The following PKLR variants were observed in gnomAD, a reference collection of about 807,000 sequenced individuals.
PKLR encodes the protein pyruvate kinase L/R.
Under a neutral mutation model 53.6 loss-of-function variants are expected in PKLR, and 38 were observed. The observed-to-expected ratio is 0.71, with a 90% CI of 0.55 to 0.93. The LOEUF (loss-of-function observed/expected upper bound fraction) is 0.93. Among genes scored for constraint, PKLR ranks in the 40% least tolerant of loss-of-function variants. The pLI, the probability that PKLR is intolerant of heterozygous loss-of-function variation, is 0.00. For missense variants in PKLR, 702 were observed against 787.3 expected, an observed-to-expected ratio of 0.89 and a Z score of 1.30; for synonymous variants, 328 against 316.2, an observed-to-expected ratio of 1.04 and a Z score of -0.39.
chr1:155,300,503 G>T (rs968183101), intron 1 of PKLR, among the ~76,000 whole-genome samples: 2 of 152,122 alleles, frequency 1.3e-5, no homozygotes, highest in African/African-American at 2.4e-5. Context: ...GGAAATAAAT[G>T]GTCCAATATT....
intron 6 of PKLR, 45 bp downstream of exon 6, chr1:155,294,437 G>A: frequency 6.2e-7 from 1 of 1,614,194 alleles, no homozygotes; most frequent in Non-Finnish European, 8.5e-7. Context: ...GAAAGGTGAT[G>A]GGGAATAGCG....
rs746350344 is a variant in PKLR at position 155,295,341 on chromosome 1, C to CG, written c.508-40dup. 6.2e-7 allele frequency: 1 copy of CG among 1,613,310 alleles called. No homozygotes were observed. Among genetic ancestry groups the CG allele is most frequent in the Non-Finnish European group, 8.5e-7 (1 of 1,179,568 alleles). On this transcript the variant is annotated intron_variant, in intron 4 of 10. Coordinates refer to ENST00000342741, the MANE Select transcript of PKLR (RefSeq NM_000298.6). The surrounding 1 kb of genome is among the most constrained non-coding windows in gnomAD (Gnocchi z 4.3). ...CAGAGGAGATGTGAGTTCTGAGCCCCGGAGTCCGGGACCCGCCCCTGCCCA... is the reference window on the plus strand; with the variant it reads ...CAGAGGAGATGTGAGTTCTGAGCCCCGGGAGTCCGGGACCCGCCCCTGCCCA...
the PKLR span, among the ~76,000 whole-genome samples, chr1:155,307,120 G>A: frequency 2.0e-5 from 3 of 152,192 alleles, no homozygotes; most frequent in South Asian, 2.1e-4. Flanking sequence ...TCACTATGTT[G>A]GCCAGGCTGG....
rs765864419 is a variant in PKLR at position 155,290,568 on chromosome 1, C to T, written c.*4G>A. 6 of 1,575,322 alleles carry T rather than the reference C, an allele frequency of 3.8e-6. No homozygotes were observed. The highest frequency in any genetic ancestry group is 3.3e-4 in the Middle Eastern group (2 of 5,992). ...TAGGCTGGGCCAGAGGAGGGAGGGG[C>T]GTCTCAGGATATGCTTAGCACCCGC... is the stretch of plus-strand genomic sequence containing the variant. On this transcript the variant is annotated 3_prime_UTR_variant, in exon 11 of 11. Coordinates refer to ENST00000342741, the MANE Select transcript of PKLR (RefSeq NM_000298.6).
rs758562081 is a variant in PKLR at position 155,293,852 on chromosome 1, G to T, written c.1117-262C>A. On this transcript the variant is annotated intron_variant, in intron 7 of 10. Transcript: ENST00000342741. The surrounding 1 kb of genome is among the most constrained non-coding windows in gnomAD (Gnocchi z 4.2). ...AATGTGCTATAAACCTACAGTGTGG[G>T]CTGGGTGCAGTGGCTCACACCTGTA... is the stretch of plus-strand genomic sequence containing the variant. Among the ~76,000 whole-genome samples the T allele has an allele frequency of 1.1e-4, 16 of 152,212 alleles. No homozygotes were observed. Among genetic ancestry groups the T allele is most frequent in the Non-Finnish European group, 1.9e-4 (13 of 68,038 alleles).
At chr1:155,291,642 G>C (rs1331002752) in intron 10 of PKLR, 114 bp downstream of exon 10, 4 of 895,080 alleles carry the variant, frequency 4.5e-6, no homozygotes, top group Non-Finnish European at 7.5e-6. Context: ...CTCTCACAGG[G>C]AAAACCTGGG....
intron 2 of PKLR, among the ~76,000 whole-genome samples, chr1:155,298,800 C>A (rs1647753979): frequency 6.6e-6 from 1 of 151,942 alleles, no homozygotes; most frequent in Non-Finnish European, 1.5e-5. Context: ...TGCCACCATG[C>A]CTGGCTAATT....
In PKLR at chr1:155,293,594, G is replaced by C. The variant is rs1572054195; in HGVS notation, c.1117-4C>G. ...TGGTAATCATGCTCTCCAGCATCTG[G>C]GGGACAGCGTGGATGTCAAAGTTGT... On this transcript the variant is annotated splice_polypyrimidine_tract_variant and splice_region_variant and intron_variant, in intron 7 of 10. Coordinates refer to ENST00000342741, the MANE Select transcript of PKLR (RefSeq NM_000298.6). This position sits in a 1 kb window ranked among gnomAD's most constrained non-coding sequence, Gnocchi z 4.2. 2.5e-6 allele frequency: 4 copies of C among 1,614,082 alleles called. No homozygotes were observed. In the East Asian group the frequency reaches 8.9e-5, roughly 36 times the overall value.
chr1:155,304,560 A>G (rs1272401362), upstream of PKLR, among the ~76,000 whole-genome samples: 2 of 150,138 alleles, frequency 1.3e-5, no homozygotes, highest in East Asian at 3.9e-4. Flanking sequence ...AGAGAGGGGG[A>G]CGGCTTGGAG....
chr1:155,300,582 G>A (rs1233854955), intron 1 of PKLR, among the ~76,000 whole-genome samples: 1 of 151,972 alleles, frequency 6.6e-6, no homozygotes, highest in Admixed American at 6.6e-5. Flanking sequence ...CCAAGTTCTT[G>A]ACCACTCAGT....
chr1:155,295,876 T>C lies in PKLR; in HGVS notation c.284-120A>G, dbSNP rs1647564419. 5 of 802,760 alleles carry C rather than the reference T, an allele frequency of 6.2e-6. No homozygotes were observed. The highest frequency in any genetic ancestry group is 1.1e-5 in the Non-Finnish European group (5 of 469,048). 49.7% of individuals were successfully genotyped at this position (802,760 alleles called of 1,614,324 possible). On this transcript the variant is annotated intron_variant, in intron 2 of 10. Transcript: ENST00000342741. The surrounding 1 kb of genome is among the most constrained non-coding windows in gnomAD (Gnocchi z 4.3). ...CAGGCGTCCTGTTACCTGATCTTTA[T>C]TCCCTGATGCAACCCCTGCCCACAG...
At chr1:155,306,860 T>C in the PKLR span, among the ~76,000 whole-genome samples, 2 of 152,264 alleles carry the variant, frequency 1.3e-5, no homozygotes, top group East Asian at 1.9e-4. The surrounding 1 kb of genome is among the most constrained non-coding windows in gnomAD (Gnocchi z 4.2). Context: ...TTCCTTCTGG[T>C]GGGTTCGTGG....
chr1:155,294,430 A>G (rs754970776), intron 6 of PKLR, 45 bp from the exon 7 acceptor site: 6 of 1,614,074 alleles, frequency 3.7e-6, no homozygotes, highest in South Asian at 1.1e-5. Context: ...AGGAGAAGAA[A>G]GGTGATGGGG....
At position 155,294,236 on chromosome 1, in the gene PKLR, T is replaced by C; in HGVS notation, c.1115A>G (p.Gln372Arg). 6.2e-7 allele frequency: 1 copy of C among 1,614,134 alleles called. No individual in the cohort carries two copies. Among genetic ancestry groups the C allele is most frequent in the Non-Finnish European group, 8.5e-7 (1 of 1,180,008 alleles). Residue 372 changes from glutamine to arginine, a missense_variant and splice_region_variant, in exon 7 of 11, where the codon CAG (glutamine) becomes CGG (arginine). Gln to Arg is a conservative substitution (Grantham distance 43). Coordinates refer to ENST00000342741, the MANE Select transcript of PKLR (RefSeq NM_000298.6). Reference protein sequence around the residue: ...LAGKPVVCATQMLESMITKPR... With the variant: ...LAGKPVVCATRMLESMITKPR... ...GAACCTCAAGGCCTCACTCCAGACC[T>C]GTGTGGCACAGACAACAGGCTTGCC...
chr1:155,295,892 C>G lies in PKLR; in HGVS notation c.284-136G>C. The G allele has an allele frequency of 1.3e-6, 1 of 747,772 alleles. No homozygotes were observed. Among genetic ancestry groups the G allele is most frequent in the East Asian group, 2.7e-5 (1 of 37,576 alleles). 46.3% of individuals were successfully genotyped at this position (747,772 alleles called of 1,614,324 possible). The stretch of plus-strand genomic sequence containing the variant: ...TGATCTTTATTCCCTGATGCAACCC[C>G]TGCCCACAGATCACAGACTCCCCTT... On this transcript the variant is annotated intron_variant, in intron 2 of 10. Coordinates refer to ENST00000342741, the MANE Select transcript of PKLR (RefSeq NM_000298.6). The surrounding 1 kb of genome is among the most constrained non-coding windows in gnomAD (Gnocchi z 4.3).
At chr1:155,299,026 CTTT>C (rs1557963359) in intron 2 of PKLR, among the ~76,000 whole-genome samples, 7,699 of 92,306 alleles carry the variant, frequency 0.083, 727 homozygotes, top group East Asian at 0.2. Flanking sequence ...TTCTTTCTTT[CTTT>C]CTTTCTCTTT....
chr1:155,297,928 CAAT>C (rs1647685765), intron 2 of PKLR, among the ~76,000 whole-genome samples: 1 of 152,190 alleles, frequency 6.6e-6, no homozygotes. Flanking sequence ...CTCATTTACT[CAAT>C]AATAACTGAC....
intron 2 of PKLR, among the ~76,000 whole-genome samples, chr1:155,296,331 CTTTTCT>C: frequency 6.6e-6 from 1 of 152,030 alleles, no homozygotes; most frequent in East Asian, 1.9e-4. Context: ...CCATGTTTTC[CTTTTCT>C]TTTTCTTTCT....
At chr1:155,306,302 A>G (rs1311944281), upstream of PKLR, among the ~76,000 whole-genome samples, 1 of 152,172 alleles carries the variant, frequency 6.6e-6, no homozygotes, top group East Asian at 1.9e-4. The surrounding 1 kb of genome is among the most constrained non-coding windows in gnomAD (Gnocchi z 4.2). Flanking sequence ...AGCCACACTC[A>G]CACATGCACA....
Sources: allele counts gnomAD v4.1 joint callset (sites outside exome capture counted in the v4.1 genomes callset), GRCh38; gene constraint gnomAD v4.1.1; non-coding constraint Gnocchi (gnomAD v3.1); transcripts MANE v1.5; gene names NCBI Gene and HGNC (gene_info 2026-07-23, HGNC 2026-07-21).